BMPR1B: variants seen among roughly 807,000 people sequenced by gnomAD.
BMPR1B encodes the protein bone morphogenetic protein receptor type 1B.
A neutral mutation model predicts 59.1 loss-of-function variants in BMPR1B; 12 were observed. The observed-to-expected ratio is 0.20, with a 90% CI of 0.13 to 0.33. BMPR1B has a LOEUF of 0.33. Among genes scored for constraint, BMPR1B ranks in the 10% least tolerant of loss-of-function variants. The pLI, the probability that BMPR1B is intolerant of heterozygous loss-of-function variation, is 1.00. For synonymous variants in BMPR1B, 237 were observed against 207.3 expected (o/e 1.14, Z -1.23); for missense variants, 550 against 610.9 (o/e 0.90, Z 1.05).
intron 1 of BMPR1B, among the ~76,000 whole-genome samples, chr4:94,814,030 C>T (rs536355074): frequency 9.2e-5 from 14 of 152,138 alleles, no homozygotes; most frequent in South Asian, 4.2e-4. Context: ...ATATACAAGT[C>T]GGAATCAGAT....
At chr4:94,913,473 A>G (rs1177879083) in intron 2 of BMPR1B, among the ~76,000 whole-genome samples, 2 of 152,198 alleles carry the variant, frequency 1.3e-5, no homozygotes, top group African/African-American at 4.8e-5. Context: ...AGTTTGAACC[A>G]CAAATTTTTA....
intron 3 of BMPR1B, among the ~76,000 whole-genome samples, chr4:95,085,405 G>A (rs1230749589): frequency 1.3e-5 from 2 of 152,196 alleles, no homozygotes; most frequent in South Asian, 4.1e-4. Flanking sequence ...TCCTCTCAGT[G>A]TGTGCAGGAG....
chr4:94,815,803 G>A (rs542349617), intron 1 of BMPR1B, among the ~76,000 whole-genome samples: 21 of 152,266 alleles, frequency 1.4e-4, no homozygotes, highest in Admixed American at 2.6e-4. Context: ...ATGGCATAGC[G>A]TCTGACATTT....
chr4:94,949,314 T>TATGTCTGCATAGTATTTCATGTGTATATG (rs1406901953), intron 2 of BMPR1B, among the ~76,000 whole-genome samples: 1 of 103,692 alleles, frequency 9.6e-6, no homozygotes, highest in South Asian at 3.9e-4. Flanking sequence ...CATTCTTTTT[T>TATGTCTGCATAGTATTTCATGTGTATATG]TTTTTTTTTT....
chr4:94,836,837 C>T (rs796945595), intron 1 of BMPR1B, among the ~76,000 whole-genome samples: 7,715 of 134,692 alleles, frequency 0.057, 294 homozygotes, highest in Middle Eastern at 0.071. Context: ...CTTGCCCATG[C>T]CTATGTCCTG....
At chr4:94,922,204 GGCTCAAGCAGT>G (rs1248655030) in intron 2 of BMPR1B, among the ~76,000 whole-genome samples, 1 of 152,016 alleles carries the variant, frequency 6.6e-6, no homozygotes, top group East Asian at 1.9e-4. Context: ...TGAACTCCTG[GGCTCAAGCAGT>G]CCTCCTACCT....
intron 8 of BMPR1B, among the ~76,000 whole-genome samples, chr4:95,127,729 GCATTACACAT>G (rs1733007623): frequency 6.6e-6 from 1 of 152,050 alleles, no homozygotes; most frequent in Non-Finnish European, 1.5e-5. Flanking sequence ...GAGGACGGCT[GCATTACACAT>G]AAACTTGCTT....
intron 3 of BMPR1B, among the ~76,000 whole-genome samples, chr4:95,046,322 A>G (rs1193644274): frequency 1.3e-5 from 2 of 152,240 alleles, no homozygotes; most frequent in Non-Finnish European, 2.9e-5. Flanking sequence ...GTAGCCTGTT[A>G]TATTAAAGAA....
intron 1 of BMPR1B, among the ~76,000 whole-genome samples, chr4:94,812,124 G>A (rs986814000): frequency 6.6e-5 from 10 of 152,106 alleles, no homozygotes; most frequent in Non-Finnish European, 1.3e-4. Flanking sequence ...CATTAAACAA[G>A]CACTTATTGA....
intron 1 of BMPR1B, among the ~76,000 whole-genome samples, chr4:94,847,851 A>G (rs1237805926): frequency 6.6e-6 from 1 of 152,180 alleles, no homozygotes; most frequent in Non-Finnish European, 1.5e-5. Context: ...AAAAATATAC[A>G]GAATGAATAA....
At chr4:94,843,706 A>G (rs933982768) in intron 1 of BMPR1B, among the ~76,000 whole-genome samples, 13 of 151,918 alleles carry the variant, frequency 8.6e-5, no homozygotes, top group South Asian at 8.3e-4. Flanking sequence ...ATACTGCTCT[A>G]TTCAAAAGAG....
At chr4:94,851,203 C>A (rs1312223674) in intron 1 of BMPR1B, among the ~76,000 whole-genome samples, 1 of 152,146 alleles carries the variant, frequency 6.6e-6, no homozygotes, top group Non-Finnish European at 1.5e-5. Context: ...TAGTTACCGT[C>A]CTCGTAGAGG....
chr4:94,904,063 T>G (rs1727935823), intron 2 of BMPR1B, among the ~76,000 whole-genome samples: 1 of 152,036 alleles, frequency 6.6e-6, no homozygotes, highest in Admixed American at 6.6e-5. Context: ...CCTTTATATC[T>G]TATGATGATA....
intron 1 of BMPR1B, among the ~76,000 whole-genome samples, chr4:94,769,425 A>C (rs1560807348): frequency 6.6e-6 from 1 of 152,196 alleles, no homozygotes; most frequent in Non-Finnish European, 1.5e-5. Flanking sequence ...AGCCTGACCA[A>C]CATGGTGAAA....
At chr4:94,898,506 A>C (rs1727675286) in intron 2 of BMPR1B, among the ~76,000 whole-genome samples, 1 of 151,972 alleles carries the variant, frequency 6.6e-6, no homozygotes, top group South Asian at 2.1e-4. Flanking sequence ...TGGTTTTACA[A>C]GGGGCTTTCC....
chr4:94,771,857 A>C (rs1051921501), intron 1 of BMPR1B, among the ~76,000 whole-genome samples: 2 of 152,236 alleles, frequency 1.3e-5, no homozygotes, highest in African/African-American at 4.8e-5. Context: ...GACTCATTTG[A>C]AATCAGTTGA....
intron 2 of BMPR1B, among the ~76,000 whole-genome samples, chr4:94,882,967 C>T (rs7685054): frequency 1.5e-4 from 21 of 136,816 alleles, no homozygotes; most frequent in Non-Finnish European, 2.6e-4. Flanking sequence ...TGTGTGTGTG[C>T]GTGTGTGTGT....
chr4:94,765,709 G>T lies in BMPR1B; in HGVS notation c.-183+7641G>T, dbSNP rs145673833. On this transcript the variant is annotated intron_variant, in intron 1 of 12. Transcript: ENST00000515059. ...CATAGTAAATGAAAAATTGGGGTTTGAGGTAATATGAGCTATTCGACTAAT... is the reference window on the plus strand; with the variant it reads ...CATAGTAAATGAAAAATTGGGGTTTTAGGTAATATGAGCTATTCGACTAAT... Among the ~76,000 whole-genome samples the T allele has an allele frequency of 2.2e-3, 340 of 152,290 alleles. 3 individuals are homozygous for T. Among genetic ancestry groups the T allele is most frequent in the African/African-American group, 8.0e-3 (331 of 41,562 alleles).
At chr4:94,821,053 A>C in intron 1 of BMPR1B, among the ~76,000 whole-genome samples, 1 of 152,226 alleles carries the variant, frequency 6.6e-6, no homozygotes, top group East Asian at 1.9e-4. Flanking sequence ...ACCAGTACTT[A>C]AGTGTCACTG....
Sources: allele counts gnomAD v4.1 joint callset (sites outside exome capture counted in the v4.1 genomes callset), GRCh38; gene constraint gnomAD v4.1.1; transcripts MANE v1.5; gene names NCBI Gene and HGNC (gene_info 2026-07-23, HGNC 2026-07-21).